Variants in HDAC8 observed in about 807,000 individuals in gnomAD.
The protein encoded by HDAC8 is histone deacetylase-like 1.
A neutral mutation model predicts 32.2 loss-of-function variants in HDAC8; 1 was observed. That is an observed-to-expected ratio of 0.03 (90% confidence interval 0.01 to 0.15). The LOEUF is 0.15. Ranked by LOEUF, HDAC8 falls within the 10% of genes least tolerant of loss-of-function variation. HDAC8 has a pLI of 1.00. For synonymous variants in HDAC8, 108 were observed against 113.9 expected, an observed-to-expected ratio of 0.95 and a Z score of 0.33; for missense variants, 117 against 300.0, an observed-to-expected ratio of 0.39 and a Z score of 4.51.
chrX:72,361,947 C>G (rs782243433), intron 9 of HDAC8, among the ~76,000 whole-genome samples: 5 of 111,722 alleles, frequency 4.5e-5, no homozygotes, highest in African/African-American at 1.6e-4. Flanking sequence ...GAGATATGAA[C>G]TTGAACCAAT....
chrX:72,474,305 C>T (rs2048268340), intron 7 of HDAC8: 1 of 743,677 alleles, frequency 1.3e-6, no homozygotes, highest in African/African-American at 2.3e-5. Context: ...ATTTATTTAT[C>T]TAACATTTAA....
rs1384268496 is a variant in HDAC8 at position 72,475,664 on chromosome X, C to T, written c.738-10933G>A. ...GTCATTTTGTTGGAGAACATGGGTGCCTCTTGGACATATTCAGAAGACATT... is the reference window on the plus strand; with the variant it reads ...GTCATTTTGTTGGAGAACATGGGTGTCTCTTGGACATATTCAGAAGACATT... On this transcript the variant is annotated intron_variant, in intron 7 of 10. Coordinates refer to ENST00000373573, the MANE Select transcript of HDAC8 (RefSeq NM_018486.3). 4.5e-5 allele frequency among the ~76,000 whole-genome samples: 5 copies of T among 111,629 alleles called. No homozygotes were observed. The Admixed American group carries it at 4.8e-4, about 11-fold the overall frequency.
chrX:72,377,682 CA>C (rs2147813368), intron 9 of HDAC8, among the ~76,000 whole-genome samples: 1 of 112,110 alleles, frequency 8.9e-6, no homozygotes, highest in Non-Finnish European at 1.9e-5. Flanking sequence ...CTTTTACTTC[CA>C]ACCTACGTGT....
chrX:72,497,594 A>G (rs1346443761), intron 4 of HDAC8, among the ~76,000 whole-genome samples: 2 of 111,336 alleles, frequency 1.8e-5, no homozygotes, highest in African/African-American at 6.5e-5. Flanking sequence ...TTTCTACTTG[A>G]GTATATTCTT....
intron 9 of HDAC8, among the ~76,000 whole-genome samples, chrX:72,408,019 C>T (rs1368425162): frequency 6.3e-5 from 7 of 111,872 alleles, no homozygotes; most frequent in African/African-American, 2.3e-4. Flanking sequence ...AGAACCTACA[C>T]TTTCATTCAT....
chrX:72,534,255 T>A (rs2050444057), intron 4 of HDAC8, among the ~76,000 whole-genome samples: 1 of 106,981 alleles, frequency 9.3e-6, no homozygotes, highest in South Asian at 4.1e-4. Flanking sequence ...AAAATCCTAC[T>A]TATAATAGCA....
chrX:72,408,010 G>C (rs1426338806), intron 9 of HDAC8, among the ~76,000 whole-genome samples: 1 of 111,626 alleles, frequency 9.0e-6, no homozygotes, highest in African/African-American at 3.3e-5. Flanking sequence ...AATGATGTGA[G>C]AACCTACACT....
chrX:72,336,670 A>G (rs1453308834), intron 10 of HDAC8, among the ~76,000 whole-genome samples: 1 of 111,365 alleles, frequency 9.0e-6, no homozygotes, highest in African/African-American at 3.3e-5. Context: ...CTCCCTCCTA[A>G]GCCTCTCAAA....
chrX:72,567,560 G>A (rs1603241474), intron 4 of HDAC8: 7 of 447,007 alleles, frequency 1.6e-5, no homozygotes, highest in East Asian at 7.4e-5. Context: ...CTAGAAAGCC[G>A]AAAAGGAATT....
chrX:72,530,444 G>A (rs1288195815), intron 4 of HDAC8, among the ~76,000 whole-genome samples: 4 of 80,183 alleles, frequency 5.0e-5, no homozygotes, highest in East Asian at 4.0e-4. Context: ...TATTTTATGC[G>A]TTTTTTTTTT....
chrX:72,484,069 A>G (rs2048593836), intron 7 of HDAC8, among the ~76,000 whole-genome samples: 1 of 112,530 alleles, frequency 8.9e-6, no homozygotes, highest in African/African-American at 3.2e-5. Context: ...TTCTCCCATA[A>G]AAGGAAAGAG....
At position 72,353,421 on chromosome X, in the gene HDAC8, C is replaced by G. The variant is rs201360514; in HGVS notation, c.1006-1583G>C. Among the ~76,000 whole-genome samples, 10 of 112,256 alleles carry G rather than the reference C, an allele frequency of 8.9e-5. No homozygotes were observed. In the East Asian group the frequency reaches 1.7e-3, roughly 19 times the overall value. On this transcript the variant is annotated intron_variant, in intron 9 of 10. Transcript: ENST00000373573. Reference sequence around the variant, plus strand: ...TAGGTCCTTCCTGCTGGAGTTATTACTCTCTGATACCTGAAGCCCTGAGTT... The same window carrying G: ...TAGGTCCTTCCTGCTGGAGTTATTAGTCTCTGATACCTGAAGCCCTGAGTT...
chrX:72,452,284 C>T (rs1251165410), intron 9 of HDAC8, among the ~76,000 whole-genome samples: 7 of 111,642 alleles, frequency 6.3e-5, no homozygotes, highest in African/African-American at 1.3e-4. Flanking sequence ...GGCGAAACCC[C>T]GTCTCTACTA....
At chrX:72,360,813 C>T (rs782356282) in intron 9 of HDAC8, among the ~76,000 whole-genome samples, 3 of 112,508 alleles carry the variant, frequency 2.7e-5, no homozygotes, top group South Asian at 7.4e-4. Context: ...TCAGTGAATA[C>T]ATATGGCATT....
At chrX:72,387,605 G>A (rs782541380) in intron 9 of HDAC8, among the ~76,000 whole-genome samples, 17 of 111,843 alleles carry the variant, frequency 1.5e-4, no homozygotes, top group Non-Finnish European at 2.4e-4. Flanking sequence ...TACTAATTCT[G>A]TCAACTTGGG....
rs184398726 is a variant in HDAC8 at position 72,469,000 on chromosome X, G to C, written c.738-4269C>G. 1.6e-4 allele frequency among the ~76,000 whole-genome samples: 18 copies of C among 111,400 alleles called. 1 individual carries two copies. The highest frequency in any genetic ancestry group is 9.4e-5 in the Non-Finnish European group (5 of 53,131). On this transcript the variant is annotated intron_variant, in intron 7 of 10. Transcript: ENST00000373573. ...GCACTCTACTTTATTCCTTGTCATA[G>C]ACACACTTTGGGGCCTGATAAAGAA...
intron 4 of HDAC8, among the ~76,000 whole-genome samples, chrX:72,526,817 T>C (rs1319732311): frequency 2.7e-5 from 3 of 111,161 alleles, no homozygotes; most frequent in Non-Finnish European, 3.8e-5. Flanking sequence ...ATTTTGTTTA[T>C]TCTGTCTTCC....
chrX:72,366,781 T>C (rs893258715), intron 9 of HDAC8, among the ~76,000 whole-genome samples: 3 of 111,099 alleles, frequency 2.7e-5, no homozygotes, highest in Non-Finnish European at 5.7e-5. Flanking sequence ...GCAGCCAGAG[T>C]AGCTGAAAAA....
chrX:72,538,373 G>A (rs1018822391), intron 4 of HDAC8, among the ~76,000 whole-genome samples: 14 of 109,474 alleles, frequency 1.3e-4, no homozygotes, highest in East Asian at 8.5e-4. Flanking sequence ...TAGTAGAGAC[G>A]GGGTTTTGCC....
Sources: gnomAD v4.1 joint callset for allele counts (sites outside exome capture counted in the v4.1 genomes callset) on GRCh38, gnomAD v4.1.1 for gene constraint, MANE v1.5 for transcripts, NCBI Gene and HGNC (gene_info 2026-07-23, HGNC 2026-07-21) for gene names.